SAMD3: variants seen among roughly 807,000 people sequenced by gnomAD.
The protein encoded by SAMD3 is sterile alpha motif domain-containing protein 3.
Under a neutral mutation model 58.5 loss-of-function variants are expected in SAMD3, and 63 were observed. The ratio of observed to expected loss-of-function variants is 1.08; its 90% CI spans 0.88 to 1.33. The LOEUF is 1.33. Ranked by LOEUF, SAMD3 falls within the 40% of genes most tolerant of loss-of-function variation. The probability of loss-of-function intolerance (pLI) is 0.00; values close to 1 mark genes in which losing one functional copy is unlikely to be tolerated. For synonymous variants in SAMD3, 220 were observed against 210.3 expected, an observed-to-expected ratio of 1.05 and a Z score of -0.40; for missense variants, 604 against 608.4, an observed-to-expected ratio of 0.99 and a Z score of 0.08.
intron 2 of SAMD3, among the ~76,000 whole-genome samples, chr6:130,265,181 C>T (rs754984115): frequency 3.9e-5 from 6 of 152,182 alleles, no homozygotes; most frequent in East Asian, 1.9e-4. Context: ...CCCTAAACCC[C>T]GCCACCTTGC....
At chr6:130,264,145 C>T (rs1774248433) in intron 2 of SAMD3, among the ~76,000 whole-genome samples, 1 of 152,212 alleles carries the variant, frequency 6.6e-6, no homozygotes, top group Admixed American at 6.5e-5. Flanking sequence ...CCCCCTCCCA[C>T]TAAGGTGGTC....
intron 7 of SAMD3, among the ~76,000 whole-genome samples, chr6:130,180,884 C>A (rs7756397): frequency 0.036 from 5,401 of 151,814 alleles, 337 homozygotes; most frequent in African/African-American, 0.12. Flanking sequence ...ATATGCATAT[C>A]AATGTAGCAT....
chr6:130,184,519 T>G lies in SAMD3; in HGVS notation c.488A>C (p.Gln163Pro), dbSNP rs1792739211. The change falls in exon 6 of 12, where the codon CAG becomes CCG. Residue 163 changes from glutamine to proline, a missense_variant. Coordinates refer to ENST00000439090, the MANE Select transcript of SAMD3 (RefSeq NM_001017373.4). ...CCTCATGCTGTGATCCGGGCACTTCTGCTCTGCTAACATGCATTTGACATC... is the reference window on the plus strand; with the variant it reads ...CCTCATGCTGTGATCCGGGCACTTCGGCTCTGCTAACATGCATTTGACATC... ...PYDVKCMLAE[Q>P]KCPDHSMRIR... The G allele has an allele frequency of 6.2e-7, 1 of 1,614,110 alleles. No individual in the cohort carries two copies. The highest frequency in any genetic ancestry group is 1.3e-5 in the African/African-American group (1 of 74,944).
intron 5 of SAMD3, among the ~76,000 whole-genome samples, chr6:130,189,935 C>T (rs1023172156): frequency 6.6e-6 from 1 of 152,184 alleles, no homozygotes; most frequent in Non-Finnish European, 1.5e-5. Flanking sequence ...AGGCCTCATG[C>T]TGTGCTGCCA....
intron 2 of SAMD3, among the ~76,000 whole-genome samples, chr6:130,262,567 G>T (rs911920105): frequency 2.0e-5 from 3 of 148,486 alleles, no homozygotes; most frequent in East Asian, 4.0e-4. Context: ...ATGATGGATG[G>T]TTCCTCCCAG....
chr6:130,361,877 C>G (rs12193766), intron 1 of SAMD3, among the ~76,000 whole-genome samples: 26,986 of 152,132 alleles, frequency 0.18, 2,624 homozygotes, highest in East Asian at 0.36. Flanking sequence ...TACATGCCGA[C>G]CCAAATGTTT....
chr6:130,280,683 C>T (rs554560609), intron 2 of SAMD3, among the ~76,000 whole-genome samples: 3 of 152,250 alleles, frequency 2.0e-5, no homozygotes, highest in African/African-American at 7.2e-5. Flanking sequence ...CATAGAATCC[C>T]ATATTATAGT....
At chr6:130,330,200 C>T (rs552685937) in intron 1 of SAMD3, among the ~76,000 whole-genome samples, 1 of 151,970 alleles carries the variant, frequency 6.6e-6, no homozygotes, top group South Asian at 2.1e-4. Flanking sequence ...GTCGGCAGGC[C>T]CAGAAGATGA....
chr6:130,178,383 A>G lies in SAMD3; in HGVS notation c.655-2375T>C, dbSNP rs140340717. On this transcript the variant is annotated intron_variant, in intron 7 of 11. Coordinates refer to ENST00000439090, the MANE Select transcript of SAMD3 (RefSeq NM_001017373.4). ...TCCCCACAGTGAGTGCGGGGAAGGG[A>G]AAAAAAAAAAAACCCCTGCAGGCAT... Among the ~76,000 whole-genome samples, 1,041 of 128,608 alleles carry G rather than the reference A, an allele frequency of 8.1e-3. 7 individuals carry two copies. The highest frequency in any genetic ancestry group is 0.014 in the Non-Finnish European group (756 of 55,252). 84.4% of individuals were successfully genotyped at this position (128,608 alleles called of 152,430 possible).
intron 2 of SAMD3, among the ~76,000 whole-genome samples, chr6:130,244,265 C>G (rs1773458402): frequency 6.6e-6 from 1 of 152,104 alleles, no homozygotes; most frequent in South Asian, 2.1e-4. Flanking sequence ...GTCATAAAAG[C>G]CTGTAAATGA....
At position 130,153,658 on chromosome 6, in the gene SAMD3, ATATATATT is replaced by A. The variant is rs961317769; in HGVS notation, c.1023+1159_1023+1166del. Among the ~76,000 whole-genome samples, 28 of 96,848 alleles carry A rather than the reference ATATATATT, an allele frequency of 2.9e-4. No individual in the cohort carries two copies. The East Asian group carries it at 0.011, about 39-fold the overall frequency. The allele number at this position is 96,848 out of a possible 152,430, so 63.5% of individuals were successfully genotyped here. ...TACCCATTAAATTTCATATATATATATATATATTTATTTATTTATTTATTTTTTAAAAT... is the reference window on the plus strand; with the variant it reads ...TACCCATTAAATTTCATATATATATATATTTATTTATTTATTTTTTAAAAT... On this transcript the variant is annotated intron_variant, in intron 9 of 11. Coordinates refer to ENST00000439090, the MANE Select transcript of SAMD3 (RefSeq NM_001017373.4).
chr6:130,298,036 C>A (rs1247246873), intron 2 of SAMD3, among the ~76,000 whole-genome samples: 2 of 152,104 alleles, frequency 1.3e-5, no homozygotes. Flanking sequence ...TCAGAGAACA[C>A]CTGCAAGACA....
rs75864436 is a variant in SAMD3 at position 130,259,254 on chromosome 6, G to C, written c.-187-36441C>G. Among the ~76,000 whole-genome samples the C allele has an allele frequency of 3.5e-3, 531 of 152,308 alleles. 5 individuals are homozygous for C. Among genetic ancestry groups the C allele is most frequent in the African/African-American group, 0.012 (510 of 41,558 alleles). On this transcript the variant is annotated intron_variant, in intron 2 of 13. Transcript: ENST00000368134. ...AAAGGTTTATTTGGCTTATGATTCTGATGGTTAGAAAGTTCAAAATTGGGC... is the reference window on the plus strand; with the variant it reads ...AAAGGTTTATTTGGCTTATGATTCTCATGGTTAGAAAGTTCAAAATTGGGC...
At chr6:130,231,060 C>A (rs932291105) in intron 2 of SAMD3, among the ~76,000 whole-genome samples, 1 of 151,620 alleles carries the variant, frequency 6.6e-6, no homozygotes, top group Non-Finnish European at 1.5e-5. Context: ...TGCATGGGTG[C>A]AACATATTTT....
chr6:130,311,113 C>T (rs1394589823), intron 2 of SAMD3, among the ~76,000 whole-genome samples: 1 of 152,140 alleles, frequency 6.6e-6, no homozygotes, highest in Non-Finnish European at 1.5e-5. Flanking sequence ...ACCTCACCTC[C>T]TCCCGTAAAT....
chr6:130,308,733 A>C (rs1367346301), intron 2 of SAMD3, among the ~76,000 whole-genome samples: 1 of 152,134 alleles, frequency 6.6e-6, no homozygotes, highest in Non-Finnish European at 1.5e-5. Flanking sequence ...AACACTTCTT[A>C]GATACTGATT....
chr6:130,148,226 A>T (rs779678486), intron 9 of SAMD3, among the ~76,000 whole-genome samples: 1 of 152,124 alleles, frequency 6.6e-6, no homozygotes, highest in Non-Finnish European at 1.5e-5. Context: ...CTATTTTAAG[A>T]TAGTTTCTTT....
intron 2 of SAMD3, among the ~76,000 whole-genome samples, chr6:130,290,560 G>A (rs1490061923): frequency 6.6e-6 from 1 of 152,118 alleles, no homozygotes; most frequent in African/African-American, 2.4e-5. Context: ...TAGTTGACAC[G>A]TAAAATTAAG....
At chr6:130,259,776 C>G (rs1774055349) in intron 2 of SAMD3, among the ~76,000 whole-genome samples, 1 of 152,124 alleles carries the variant, frequency 6.6e-6, no homozygotes, top group African/African-American at 2.4e-5. Context: ...AGAGAGCCTG[C>G]CTATCCTTTA....
Sources: allele counts gnomAD v4.1 joint callset (sites outside exome capture counted in the v4.1 genomes callset), GRCh38; gene constraint gnomAD v4.1.1; transcripts MANE v1.5; gene names NCBI Gene and HGNC (gene_info 2026-07-23, HGNC 2026-07-21).